The following CHLSN variants were observed in gnomAD, a reference collection of about 807,000 sequenced individuals.
CHLSN encodes the protein cholesin, also known as protein cholesin.
the CHLSN span, among the ~76,000 whole-genome samples, chr7:1,052,756 G>A: frequency 6.6e-6 from 1 of 152,108 alleles, no homozygotes; most frequent in African/African-American, 2.4e-5. The surrounding 1 kb of genome is among the most constrained non-coding windows in gnomAD (Gnocchi z 4.2). Context: ...GAGTGAAACG[G>A]GTGACTGGAG....
the CHLSN span, among the ~76,000 whole-genome samples, chr7:1,019,814 G>C: frequency 9.2e-5 from 14 of 152,348 alleles, no homozygotes; most frequent in African/African-American, 3.1e-4. Context: ...GGCTGGGGCT[G>C]CCTGGGGTCA....
At chr7:1,065,102 T>G in the CHLSN span, among the ~76,000 whole-genome samples, 48 of 152,266 alleles carry the variant, frequency 3.2e-4, no homozygotes, top group African/African-American at 1.1e-3. Flanking sequence ...GGAGGAAACA[T>G]GGCCCCATCC....
chr7:1,092,633 A>G, the CHLSN span: 3 of 1,611,358 alleles, frequency 1.9e-6, no homozygotes, highest in South Asian at 1.1e-5. Flanking sequence ...CGCCATGCCC[A>G]CCCCCTCACG....
the CHLSN span, among the ~76,000 whole-genome samples, chr7:1,120,538 T>C: frequency 6.6e-6 from 1 of 152,184 alleles, no homozygotes; most frequent in Non-Finnish European, 1.5e-5. Context: ...GTGATCCTTC[T>C]GCCTCGGCCT....
the CHLSN span, among the ~76,000 whole-genome samples, chr7:1,029,394 C>T: frequency 2.6e-5 from 4 of 152,270 alleles, no homozygotes; most frequent in Non-Finnish European, 4.4e-5. Flanking sequence ...TCCCAAAGTA[C>T]GGGGATTACA....
chr7:1,116,751 C>T, the CHLSN span, among the ~76,000 whole-genome samples: 1 of 52,994 alleles, frequency 1.9e-5, no homozygotes, highest in Non-Finnish European at 3.1e-5. Flanking sequence ...ATCACTACAG[C>T]TCTACGGACA....
At chr7:1,076,087 C>T in the CHLSN span, 1,780 of 152,422 alleles carry the variant, frequency 0.012, 12 homozygotes, top group Non-Finnish European at 0.018. Flanking sequence ...CTCGGAAAGA[C>T]CCATCCATGC....
At chr7:984,380 G>T in the CHLSN span, 3 of 1,541,308 alleles carry the variant, frequency 1.9e-6, no homozygotes, top group African/African-American at 4.1e-5. Context: ...GTGGGTGAGG[G>T]CTGCCCGGGT....
the CHLSN span, chr7:1,058,492 T>C: frequency 5.1e-6 from 4 of 779,888 alleles, no homozygotes; most frequent in Non-Finnish European, 9.6e-6. Flanking sequence ...CCGGACCACA[T>C]GGGGGTGCAG....
At chr7:1,119,136 G>A in the CHLSN span, among the ~76,000 whole-genome samples, 2 of 152,064 alleles carry the variant, frequency 1.3e-5, no homozygotes, top group South Asian at 2.1e-4. Context: ...CCTGTTAATA[G>A]GATATTCTAA....
chr7:978,707 G>C, the CHLSN span, among the ~76,000 whole-genome samples: 1 of 152,228 alleles, frequency 6.6e-6, no homozygotes, highest in Non-Finnish European at 1.5e-5. Flanking sequence ...ATCTGACACA[G>C]AGAAACAGAC....
the CHLSN span, among the ~76,000 whole-genome samples, chr7:987,857 CCT>C: frequency 2.6e-5 from 4 of 151,490 alleles, no homozygotes; most frequent in Non-Finnish European, 5.9e-5. Context: ...GGGGGGGTCC[CCT>C]CTGTGTGTCC....
chr7:1,047,346 A>G, the CHLSN span, among the ~76,000 whole-genome samples: 925 of 152,278 alleles, frequency 6.1e-3, 14 homozygotes, highest in African/African-American at 0.021. Context: ...CACCTGATTC[A>G]CTCTCACTAC....
chr7:1,017,900 T>C, the CHLSN span, among the ~76,000 whole-genome samples: 120 of 152,354 alleles, frequency 7.9e-4, no homozygotes, highest in African/African-American at 2.6e-3. Flanking sequence ...TTTCCCATGC[T>C]GCGGTAGGAA....
At chr7:1,051,902 C>T in the CHLSN span, among the ~76,000 whole-genome samples, 1 of 152,214 alleles carries the variant, frequency 6.6e-6, no homozygotes, top group African/African-American at 2.4e-5. Context: ...CGCTTGAGCC[C>T]AGGAGGCAGA....
the CHLSN span, among the ~76,000 whole-genome samples, chr7:1,028,008 C>G: frequency 3.4e-5 from 4 of 119,098 alleles, no homozygotes; most frequent in African/African-American, 6.6e-5. Flanking sequence ...CCCTGCGCCC[C>G]CAGGAGAGTA....
the CHLSN span, among the ~76,000 whole-genome samples, chr7:1,050,473 G>A: frequency 0.13 from 19,059 of 152,282 alleles, 1,330 homozygotes; most frequent in Middle Eastern, 0.21. Context: ...TGGGAGTCTG[G>A]CACTTTTTGG....
the CHLSN span, among the ~76,000 whole-genome samples, chr7:1,057,116 T>C: frequency 6.6e-6 from 1 of 151,968 alleles, no homozygotes; most frequent in Admixed American, 6.6e-5. Flanking sequence ...GCTGGCAAGA[T>C]GCGAACACCA....
the CHLSN span, chr7:989,222 G>A: frequency 2.3e-5 from 5 of 216,712 alleles, no homozygotes; most frequent in South Asian, 1.5e-4. Flanking sequence ...TGTCCTCAGC[G>A]TGCGAGCCCT....
Sources: gnomAD v4.1 joint callset for allele counts (sites outside exome capture counted in the v4.1 genomes callset) on GRCh38, gnomAD v4.1.1 for gene constraint, Gnocchi (gnomAD v3.1) non-coding constraint, MANE v1.5 for transcripts, NCBI Gene and HGNC (gene_info 2026-07-23, HGNC 2026-07-21) for gene names.